PPA2: variants seen among roughly 807,000 people sequenced by gnomAD.
PPA2 encodes the protein inorganic pyrophosphatase 2, also known as inorganic pyrophosphatase 2, mitochondrial.
In PPA2, 48 loss-of-function variants were observed where a neutral mutation model predicts 49.5. The ratio of observed to expected loss-of-function variants is 0.97; its 90% CI spans 0.77 to 1.23. PPA2 has a LOEUF of 1.23. PPA2 is among the 50% of genes most tolerant of loss of function. PPA2 has a pLI of 0.00. For synonymous variants in PPA2, 131 were observed against 139.9 expected (o/e 0.94, Z 0.45); for missense variants, 429 against 410.1 (o/e 1.05, Z -0.40).
chr4:105,397,024 C>A (rs1362772753), intron 8 of PPA2, among the ~76,000 whole-genome samples: 2 of 152,184 alleles, frequency 1.3e-5, no homozygotes, highest in African/African-American at 4.8e-5. Context: ...AGATATACCT[C>A]TTGTTGGATA....
chr4:105,464,633 T>C (rs530282182), intron 1 of PPA2, among the ~76,000 whole-genome samples: 4 of 152,144 alleles, frequency 2.6e-5, no homozygotes, highest in East Asian at 1.9e-4. Context: ...TGGGAGATAA[T>C]TGAATCATGG....
intron 9 of PPA2, among the ~76,000 whole-genome samples, chr4:105,393,556 G>A (rs1734014349): frequency 6.9e-6 from 1 of 145,858 alleles, no homozygotes; most frequent in Non-Finnish European, 1.5e-5. Flanking sequence ...CTTAAGCAGA[G>A]AGGCTCATCA....
At chr4:105,442,463 A>C (rs1449934588) in intron 5 of PPA2, among the ~76,000 whole-genome samples, 1 of 152,234 alleles carries the variant, frequency 6.6e-6, no homozygotes, top group African/African-American at 2.4e-5. Context: ...ATTAAGCACA[A>C]AATAAACATA....
chr4:105,441,624 T>A (rs542152265), intron 5 of PPA2, among the ~76,000 whole-genome samples: 2 of 152,076 alleles, frequency 1.3e-5, no homozygotes, highest in Non-Finnish European at 2.9e-5. Flanking sequence ...GACTAACAGG[T>A]ATATAAGTAT....
chr4:105,431,656 T>C (rs1450516744), intron 6 of PPA2, among the ~76,000 whole-genome samples: 1 of 152,204 alleles, frequency 6.6e-6, no homozygotes, highest in Non-Finnish European at 1.5e-5. Flanking sequence ...CTATTCATAA[T>C]AGCCAAGTGG....
Position 105,370,837 on chromosome 4 carries a change from C to T in PPA2, c.976G>A (p.Glu326Lys), listed in dbSNP as rs1321459214. ...CTTAATGAATCAAAATATACTATAC[C>T]TTCTTCATTACTTTCTTTATTTGGT... ...SSPNKESNEE[E>K]QVWHFLGK The change falls in exon 11 of 12, where the codon GAG becomes AAG. Residue 326 changes from glutamate to lysine, a missense_variant and splice_region_variant. Coordinates refer to ENST00000341695, the MANE Select transcript of PPA2 (RefSeq NM_176869.3). 1.4e-5 allele frequency: 20 copies of T among 1,462,344 alleles called. No individual in the cohort carries two copies. Among genetic ancestry groups the T allele is most frequent in the Admixed American group, 2.2e-5 (1 of 45,220 alleles). 90.6% of individuals were successfully genotyped at this position (1,462,344 alleles called of 1,614,324 possible).
At chr4:105,403,012 TTCTC>T (rs140739063) in intron 7 of PPA2, among the ~76,000 whole-genome samples, 8,817 of 149,790 alleles carry the variant, frequency 0.059, 553 homozygotes, top group African/African-American at 0.16. Flanking sequence ...CTTTCTTTCT[TTCTC>T]TCTCTCTCTC....
intron 10 of PPA2, among the ~76,000 whole-genome samples, chr4:105,378,855 T>C (rs1338451490): frequency 6.6e-6 from 1 of 152,148 alleles, no homozygotes; most frequent in Non-Finnish European, 1.5e-5. Context: ...TGTCTAGATT[T>C]GGTTACACTA....
intron 5 of PPA2, among the ~76,000 whole-genome samples, chr4:105,445,917 C>A (rs934082998): frequency 1.4e-5 from 2 of 146,750 alleles, no homozygotes; most frequent in South Asian, 4.2e-4. Flanking sequence ...TAACTCATAA[C>A]AGTAAATAAG....
At chr4:105,399,670 G>A (rs1029127201) in intron 7 of PPA2, 2 of 152,422 alleles carry the variant, frequency 1.3e-5, no homozygotes, top group African/African-American at 2.4e-5. Flanking sequence ...CTATATTTTA[G>A]AATATACAAA....
chr4:105,382,781 T>C (rs964363431), intron 10 of PPA2, among the ~76,000 whole-genome samples: 10 of 152,130 alleles, frequency 6.6e-5, no homozygotes, highest in Non-Finnish European at 1.0e-4. Context: ...GGAGGACTGC[T>C]TGAGGCCAGA....
intron 7 of PPA2, among the ~76,000 whole-genome samples, chr4:105,414,938 T>C (rs1020896088): frequency 4.6e-5 from 7 of 152,050 alleles, no homozygotes; most frequent in African/African-American, 1.4e-4. Context: ...GGTCATCCCA[T>C]TGAGCCTGAG....
At chr4:105,418,373 T>C (rs1037113513) in intron 7 of PPA2, among the ~76,000 whole-genome samples, 1 of 152,228 alleles carries the variant, frequency 6.6e-6, no homozygotes, top group African/African-American at 2.4e-5. Context: ...GCACTGGAAG[T>C]GTTTACTTAG....
At chr4:105,431,229 A>G (rs1723784517) in intron 6 of PPA2, among the ~76,000 whole-genome samples, 1 of 152,238 alleles carries the variant, frequency 6.6e-6, no homozygotes, top group South Asian at 2.1e-4. Context: ...AAATAGGTAC[A>G]GTTTATTATA....
intron 7 of PPA2, chr4:105,423,411 T>C (rs953180665): frequency 1.3e-5 from 2 of 151,942 alleles, no homozygotes; most frequent in East Asian, 1.9e-4. Context: ...GAAAGAAAAA[T>C]AGAGGAAAAA....
chr4:105,424,593 T>C (rs1163758008), intron 6 of PPA2, among the ~76,000 whole-genome samples: 2 of 152,122 alleles, frequency 1.3e-5, no homozygotes, highest in African/African-American at 2.4e-5. Context: ...GGACAAAATA[T>C]ATGAAATCAC....
chr4:105,384,966 C>G (rs1733623688), intron 10 of PPA2, among the ~76,000 whole-genome samples: 1 of 152,202 alleles, frequency 6.6e-6, no homozygotes, highest in South Asian at 2.1e-4. Context: ...CCTTTCTCCC[C>G]CATACTTTCT....
At chr4:105,469,482 G>A (rs759979162) in intron 1 of PPA2, among the ~76,000 whole-genome samples, 2 of 152,188 alleles carry the variant, frequency 1.3e-5, no homozygotes, top group Non-Finnish European at 2.9e-5. Context: ...ATACCAGACA[G>A]CTAAATGTAT....
At chr4:105,461,981 A>G (rs1162955843) in intron 1 of PPA2, among the ~76,000 whole-genome samples, 1 of 152,244 alleles carries the variant, frequency 6.6e-6, no homozygotes, top group East Asian at 1.9e-4. Context: ...AAAGTTTTCC[A>G]GGGCCAATCA....
Sources: allele counts gnomAD v4.1 joint callset (sites outside exome capture counted in the v4.1 genomes callset), GRCh38; gene constraint gnomAD v4.1.1; transcripts MANE v1.5; gene names NCBI Gene and HGNC (gene_info 2026-07-23, HGNC 2026-07-21).